CCDC40: variants seen among roughly 807,000 people sequenced by gnomAD.
The protein encoded by CCDC40 is coiled-coil domain 40 molecular ruler complex subunit.
A neutral mutation model predicts 124.5 loss-of-function variants in CCDC40; 104 were observed. The observed-to-expected ratio is 0.84, with a 90% CI of 0.71 to 0.98. CCDC40 has a LOEUF of 0.98. Ranked by LOEUF, CCDC40 falls within the 50% of genes least tolerant of loss-of-function variation. The pLI, the probability that CCDC40 is intolerant of heterozygous loss-of-function variation, is 0.00. For synonymous variants in CCDC40, 580 were observed against 602.9 expected, an observed-to-expected ratio of 0.96 and a Z score of 0.56; for missense variants, 1,463 against 1,503.9, an observed-to-expected ratio of 0.97 and a Z score of 0.45.
At chr17:80,044,811 C>T (rs769477075) in intron 3 of CCDC40, among the ~76,000 whole-genome samples, 4 of 151,562 alleles carry the variant, frequency 2.6e-5, no homozygotes, top group Admixed American at 2.0e-4. Flanking sequence ...TCTGTAAACC[C>T]GATTTTCATC....
chr17:80,041,221 A>T (rs1425574453), intron 3 of CCDC40, among the ~76,000 whole-genome samples: 1 of 152,100 alleles, frequency 6.6e-6, no homozygotes, highest in Non-Finnish European at 1.5e-5. Context: ...AAAATCTAGA[A>T]ATTGGGTCGG....
Position 80,087,891 on chromosome 17 carries a change from TA to T in CCDC40, c.2619+116del. The T allele has an allele frequency of 7.8e-7, 1 of 1,276,174 alleles. No individual in the cohort carries two copies. The highest frequency in any genetic ancestry group is 1.1e-6 in the Non-Finnish European group (1 of 873,808). The allele number at this position is 1,276,174 out of a possible 1,614,324, so 79.1% of individuals were successfully genotyped here. A position where few individuals can be genotyped will look rare whatever the true frequency, so the allele number is the denominator to read the frequency against. ...TTTCCACACCCGTTCAAGATGCTTG[TA>T]GGGGTATTAGAAATCCAGCCTGCAG... On this transcript the variant is annotated intron_variant, in intron 15 of 19. Transcript: ENST00000397545. This position sits in a 1 kb window ranked among gnomAD's most constrained non-coding sequence, Gnocchi z 4.5.
At chr17:80,043,358 G>C (rs950024991) in intron 3 of CCDC40, among the ~76,000 whole-genome samples, 4 of 152,150 alleles carry the variant, frequency 2.6e-5, no homozygotes, top group Non-Finnish European at 5.9e-5. Flanking sequence ...CCTCATTGAT[G>C]CTGGGGTGTC....
chr17:80,044,715 AAAT>A (rs1439535122), intron 3 of CCDC40, among the ~76,000 whole-genome samples: 9 of 60,438 alleles, frequency 1.5e-4, no homozygotes, highest in East Asian at 3.0e-4. Flanking sequence ...ACAAAAAAAA[AAAT>A]ATATATATAT....
At chr17:80,041,087 A>T (rs2037268261) in intron 3 of CCDC40, among the ~76,000 whole-genome samples, 1 of 152,218 alleles carries the variant, frequency 6.6e-6, no homozygotes, top group Non-Finnish European at 1.5e-5. Context: ...TTACAGAAAA[A>T]AATGGAGTAC....
intron 9 of CCDC40, among the ~76,000 whole-genome samples, chr17:80,059,184 C>G (rs1006940244): frequency 1.8e-4 from 27 of 152,210 alleles, no homozygotes; most frequent in Non-Finnish European, 3.4e-4. Flanking sequence ...TATTCCTTCC[C>G]TGGCTAGTGG....
intron 19 of CCDC40, among the ~76,000 whole-genome samples, chr17:80,099,318 G>A (rs889858189): frequency 6.6e-5 from 10 of 151,488 alleles, no homozygotes; most frequent in African/African-American, 2.2e-4. Flanking sequence ...CCTCCTAGAT[G>A]GTGATGATGG....
At chr17:80,051,193 A>T in intron 7 of CCDC40, 1 of 245,982 alleles carries the variant, frequency 4.1e-6, no homozygotes, top group Non-Finnish European at 6.5e-6. Context: ...TTACTCTTAT[A>T]ATGGGGAAAT....
chr17:80,088,149 C>A, intron 16 of CCDC40, 47 bp downstream of exon 16: 1 of 1,302,294 alleles, frequency 7.7e-7, no homozygotes, highest in Non-Finnish European at 1.1e-6. Flanking sequence ...GGTCACTGCA[C>A]CTACAGGCCT....
intron 18 of CCDC40, among the ~76,000 whole-genome samples, chr17:80,096,785 C>T (rs1326447880): frequency 6.6e-6 from 1 of 152,262 alleles, no homozygotes; most frequent in East Asian, 1.9e-4. Flanking sequence ...GCCTGCCCGG[C>T]TTTTCTTTCT....
At position 80,037,677 on chromosome 17, in the gene CCDC40, A is replaced by AT. The variant is rs200145304; in HGVS notation, c.30-440dup. Among the ~76,000 whole-genome samples, 256 of 114,094 alleles carry AT rather than the reference A, an allele frequency of 2.2e-3. 1 individual carries two copies. Among genetic ancestry groups the AT allele is most frequent in the Middle Eastern group, 4.3e-3 (1 of 234 alleles). 74.9% of individuals were successfully genotyped at this position (114,094 alleles called of 152,430 possible). A position where few individuals can be genotyped will look rare whatever the true frequency, so the allele number is the denominator to read the frequency against. On this transcript the variant is annotated intron_variant, in intron 1 of 19. Transcript: ENST00000397545. The stretch of plus-strand genomic sequence containing the variant: ...CAGATAAAAATAGCTTGAATCTTTA[A>AT]TTTTTTAAAAAAGATATACATATAT...
At chr17:80,067,795 G>A in intron 10 of CCDC40, 1 of 1,454,446 alleles carries the variant, frequency 6.9e-7, no homozygotes, top group Non-Finnish European at 9.1e-7. Context: ...CGGCAGCGGT[G>A]TTTCAAAGTC....
chr17:80,054,960 G>C (rs369603932), intron 7 of CCDC40, among the ~76,000 whole-genome samples: 2 of 147,654 alleles, frequency 1.4e-5, no homozygotes, highest in East Asian at 3.9e-4. Context: ...GGCCAACAGA[G>C]TGAGACACTG....
At chr17:80,049,127 G>T (rs924640154) in intron 5 of CCDC40, among the ~76,000 whole-genome samples, 1 of 152,002 alleles carries the variant, frequency 6.6e-6, no homozygotes, top group Non-Finnish European at 1.5e-5. Context: ...GGACGTGGTA[G>T]CTCATGCCTG....
intron 7 of CCDC40, among the ~76,000 whole-genome samples, chr17:80,052,115 C>T (rs1410791359): frequency 6.6e-6 from 1 of 152,160 alleles, no homozygotes; most frequent in South Asian, 2.1e-4. Flanking sequence ...AGAAAGCCCA[C>T]GGTCACCTGC....
In CCDC40 at chr17:80,095,271, C is replaced by T. The variant is rs573028412; in HGVS notation, c.2841C>T (p.Leu947=). ...TCTGTCCTGTCTCCCAGGTCAGGCT[C>T]GGGCAGCTGCTGAAGCAGCAGGAGA... ...KGEIHRMKVR[L]GQLLKQQEKM... is the part of the protein sequence containing the mutation. The change falls in exon 18 of 20, where the codon CTC becomes CTT. Residue 947 remains leucine, a synonymous_variant. Coordinates refer to ENST00000397545, the MANE Select transcript of CCDC40 (RefSeq NM_017950.4). 5.3e-5 allele frequency: 85 copies of T among 1,613,808 alleles called. No individual in the cohort carries two copies. The highest frequency in any genetic ancestry group is 6.4e-5 in the Non-Finnish European group (75 of 1,179,992).
At chr17:80,088,238 TTG>T in intron 16 of CCDC40, 136 bp downstream of exon 16, 1 of 724,646 alleles carries the variant, frequency 1.4e-6, no homozygotes, top group Admixed American at 2.0e-5. Flanking sequence ...TTTTTTGTTG[TTG>T]TTTTGTTTTT....
At chr17:80,082,167 C>T (rs982179944) in intron 12 of CCDC40, 109 bp downstream of exon 12, 1 of 849,762 alleles carries the variant, frequency 1.2e-6, no homozygotes, top group Admixed American at 2.2e-5. Context: ...AGCAGAGGGC[C>T]CTCCTGTGCT....
At chr17:80,082,801 C>A (rs1345702834) in intron 12 of CCDC40, among the ~76,000 whole-genome samples, 2 of 152,198 alleles carry the variant, frequency 1.3e-5, no homozygotes, top group Non-Finnish European at 2.9e-5. Context: ...TCTGGGCAGC[C>A]CGATAGGTCA....
Sources: allele counts gnomAD v4.1 joint callset (sites outside exome capture counted in the v4.1 genomes callset), GRCh38; gene constraint gnomAD v4.1.1; non-coding constraint Gnocchi (gnomAD v3.1); transcripts MANE v1.5; gene names NCBI Gene and HGNC (gene_info 2026-07-23, HGNC 2026-07-21).